TDRP: variants seen among roughly 807,000 people sequenced by gnomAD.
The protein encoded by TDRP is testis development related protein, also known as testis development-related protein.
TDRP carries 12 observed loss-of-function variants against 10.5 expected under a neutral mutation model. The ratio of observed to expected loss-of-function variants is 1.15; its 90% CI spans 0.73 to 1.86. TDRP has a LOEUF of 1.86. Ranked by LOEUF, TDRP falls within the 40% of genes most tolerant of loss-of-function variation. The pLI, the probability that TDRP is intolerant of heterozygous loss-of-function variation, is 0.00. For missense variants in TDRP, 353 were observed against 229.2 expected (o/e 1.54, Z -3.49); for synonymous variants, 139 against 95.4 (o/e 1.46, Z -2.67).
In TDRP at chr8:490,880, TAAAAA is replaced by T. The variant is rs35741291; in HGVS notation, c.*1514_*1518del. On this transcript the variant is annotated 3_prime_UTR_variant, in exon 3 of 3. Coordinates refer to ENST00000324079, the MANE Select transcript of TDRP (RefSeq NM_001384899.1). ...TTGATAAGTAAACTTCTTGTTCTAT[TAAAAA>T]AAAAAGTAGATGATTGACAGAAGGC... 6.7e-6 allele frequency: 1 copy of T among 148,342 alleles called. No individual in the cohort carries two copies. Among genetic ancestry groups the T allele is most frequent in the Non-Finnish European group, 1.5e-5 (1 of 66,776 alleles). 9.2% of individuals were successfully genotyped at this position (148,342 alleles called of 1,614,324 possible).
rs141447428 is a variant in TDRP, at chr8:505,852, G to C, written c.109-11255C>G. Among the ~76,000 whole-genome samples, 13 of 152,278 alleles carry C rather than the reference G, an allele frequency of 8.5e-5. No homozygotes were observed. The East Asian group carries it at 2.3e-3, about 27-fold the overall frequency. On this transcript the variant is annotated intron_variant, in intron 1 of 2. Transcript: ENST00000324079. ...CACAAACCCTCAAATCACACGCAAA[G>C]TCAGCACGTAGGCAGACACACAAAC...
At chr8:542,921 A>G (rs1802537070) in intron 1 of TDRP, among the ~76,000 whole-genome samples, 1 of 151,718 alleles carries the variant, frequency 6.6e-6, no homozygotes. Context: ...AAGGAGCTTT[A>G]ACGAAGGCAC....
intron 1 of TDRP, among the ~76,000 whole-genome samples, chr8:510,630 T>C (rs111410588): frequency 1.3e-5 from 2 of 152,116 alleles, no homozygotes; most frequent in African/African-American, 4.8e-5. Flanking sequence ...AAATCCTATA[T>C]CCAGCAAAGA....
At chr8:541,732 A>G (rs1204243079) in intron 1 of TDRP, among the ~76,000 whole-genome samples, 1 of 152,192 alleles carries the variant, frequency 6.6e-6, no homozygotes, top group Non-Finnish European at 1.5e-5. Context: ...TAGGATGGAC[A>G]AAGTCTACAT....
At chr8:515,656 T>C (rs1483435632) in intron 1 of TDRP, among the ~76,000 whole-genome samples, 10 of 152,184 alleles carry the variant, frequency 6.6e-5, no homozygotes, top group Non-Finnish European at 7.3e-5. Context: ...AGGAAGAGGA[T>C]TGGGCAGCCT....
At chr8:544,150 G>A (rs958653021) in intron 1 of TDRP, among the ~76,000 whole-genome samples, 2 of 152,132 alleles carry the variant, frequency 1.3e-5, no homozygotes, top group Non-Finnish European at 2.9e-5. Flanking sequence ...ACTTAACATT[G>A]AGCTACGGTC....
At chr8:511,129 C>T (rs1406938516) in intron 1 of TDRP, among the ~76,000 whole-genome samples, 1 of 152,132 alleles carries the variant, frequency 6.6e-6, no homozygotes, top group Non-Finnish European at 1.5e-5. Context: ...GTAAACCCAA[C>T]CCTACTAATT....
At chr8:523,726 G>A (rs1272147287) in intron 1 of TDRP, among the ~76,000 whole-genome samples, 2 of 152,154 alleles carry the variant, frequency 1.3e-5, no homozygotes, top group Non-Finnish European at 2.9e-5. Context: ...GGAAAGGGGA[G>A]GGAAGAGTGG....
chr8:508,775 T>A (rs184848192), intron 1 of TDRP, among the ~76,000 whole-genome samples: 34 of 152,256 alleles, frequency 2.2e-4, no homozygotes, highest in Admixed American at 1.6e-3. Flanking sequence ...TTCCCCAAAG[T>A]CTTAATTCAT....
At chr8:543,870 G>A (rs918057497) in intron 1 of TDRP, among the ~76,000 whole-genome samples, 4 of 135,218 alleles carry the variant, frequency 3.0e-5, no homozygotes, top group African/African-American at 1.1e-4. Context: ...CCAGAATGCT[G>A]GATTTCTGAC....
intron 1 of TDRP, among the ~76,000 whole-genome samples, chr8:532,764 T>C (rs1425051817): frequency 1.3e-5 from 2 of 152,178 alleles, no homozygotes; most frequent in African/African-American, 4.8e-5. Flanking sequence ...ATTTCAAAGA[T>C]CCTTTAGTCT....
chr8:540,628 T>C (rs1184657783), intron 1 of TDRP, among the ~76,000 whole-genome samples: 4 of 152,020 alleles, frequency 2.6e-5, no homozygotes, highest in African/African-American at 9.7e-5. Flanking sequence ...TAATACAAAA[T>C]AGATGTGTAT....
At chr8:493,641 C>T (rs780068169) in intron 2 of TDRP, among the ~76,000 whole-genome samples, 1 of 152,228 alleles carries the variant, frequency 6.6e-6, no homozygotes, top group Admixed American at 6.5e-5. Context: ...ACATTTTCAA[C>T]TTTACACTTT....
At chr8:501,007 C>G (rs186224951) in intron 1 of TDRP, among the ~76,000 whole-genome samples, 1,523 of 152,214 alleles carry the variant, frequency 0.01, 24 homozygotes, top group African/African-American at 0.034. Context: ...GAGATCGAGA[C>G]CATCCTGGCT....
chr8:498,401 G>C lies in TDRP; in HGVS notation c.109-3804C>G, dbSNP rs529668551. Among the ~76,000 whole-genome samples, 3 of 152,260 alleles carry C rather than the reference G, an allele frequency of 2.0e-5. No individual in the cohort carries two copies. The South Asian group carries it at 6.2e-4, about 32-fold the overall frequency. Reference sequence around the variant, plus strand: ...TTAGGATTTAATGACTGCCCTGCTGGGTTTCAGACTGTAGCCCCTTGGTTT... The same window carrying C: ...TTAGGATTTAATGACTGCCCTGCTGCGTTTCAGACTGTAGCCCCTTGGTTT... On this transcript the variant is annotated intron_variant, in intron 1 of 2. Transcript: ENST00000324079.
At chr8:513,673 A>G (rs1356754195) in intron 1 of TDRP, among the ~76,000 whole-genome samples, 1 of 152,214 alleles carries the variant, frequency 6.6e-6, no homozygotes, top group Non-Finnish European at 1.5e-5. Flanking sequence ...CAAGAAAAGT[A>G]AAATGCATAC....
intron 2 of TDRP, among the ~76,000 whole-genome samples, chr8:493,165 A>T (rs563171442): frequency 2.0e-5 from 3 of 152,358 alleles, no homozygotes; most frequent in African/African-American, 7.2e-5. Context: ...GGTAAGGTCA[A>T]GCATTTAGTA....
At chr8:507,150 G>A (rs1180438982) in intron 1 of TDRP, among the ~76,000 whole-genome samples, 1 of 152,126 alleles carries the variant, frequency 6.6e-6, no homozygotes, top group Non-Finnish European at 1.5e-5. Flanking sequence ...AAAACCATCA[G>A]ATCTCATGAG....
chr8:530,492 G>A (rs571463207), intron 1 of TDRP, among the ~76,000 whole-genome samples: 9 of 152,208 alleles, frequency 5.9e-5, no homozygotes, highest in African/African-American at 9.6e-5. Context: ...GGACTGGCTT[G>A]GTACAGGAGA....
Sources: gnomAD v4.1 joint callset for allele counts (sites outside exome capture counted in the v4.1 genomes callset) on GRCh38, gnomAD v4.1.1 for gene constraint, MANE v1.5 for transcripts, NCBI Gene and HGNC (gene_info 2026-07-23, HGNC 2026-07-21) for gene names.